Variants in EXOC3L2 observed in about 807,000 individuals in gnomAD.
EXOC3L2 encodes exocyst complex component 3 like 2.
In EXOC3L2, 17 loss-of-function variants were observed where a neutral mutation model predicts 44.4. The ratio of observed to expected loss-of-function variants is 0.38; its 90% CI spans 0.26 to 0.57. The LOEUF is 0.57. EXOC3L2 is among the 20% of genes least tolerant of loss of function. The pLI is 0.65. For missense variants in EXOC3L2, 541 were observed against 588.4 expected (o/e 0.92, Z 0.83); for synonymous variants, 256 against 253.7 (o/e 1.01, Z -0.09).
In EXOC3L2 at chr19:45,224,682, C is replaced by T; in HGVS notation, c.1719+96G>A. The T allele has an allele frequency of 2.8e-6, 4 of 1,441,882 alleles. No individual in the cohort carries two copies. In the South Asian group the frequency reaches 4.3e-5, roughly 15 times the overall value. 89.3% of individuals were successfully genotyped at this position (1,441,882 alleles called of 1,614,324 possible). A position where few individuals can be genotyped will look rare whatever the true frequency, so the allele number is the denominator to read the frequency against. ...CCCCCGCCCCTGTCTGCTTCCCAAACACTGAGCCATGGGCTAAAAGGAACT... is the reference window on the plus strand; with the variant it reads ...CCCCCGCCCCTGTCTGCTTCCCAAATACTGAGCCATGGGCTAAAAGGAACT... On this transcript the variant is annotated intron_variant, in intron 8 of 11. Coordinates refer to ENST00000413988, the MANE Select transcript of EXOC3L2 (RefSeq NM_001382422.1).
intron 4 of EXOC3L2, among the ~76,000 whole-genome samples, chr19:45,229,530 TA>T (rs1375274240): frequency 6.8e-6 from 1 of 147,700 alleles, no homozygotes; most frequent in African/African-American, 2.5e-5. Context: ...ATACATATTA[TA>T]AATAATATAT....
At chr19:45,226,096 A>G (rs904500984) in intron 7 of EXOC3L2, among the ~76,000 whole-genome samples, 1 of 152,136 alleles carries the variant, frequency 6.6e-6, no homozygotes, top group Non-Finnish European at 1.5e-5. Flanking sequence ...TCATTTATTT[A>G]ACTGGCCCTC....
At chr19:45,236,465 CAAAAAAAAAAA>C (rs34024056) in intron 2 of EXOC3L2, among the ~76,000 whole-genome samples, 1,109 of 45,050 alleles carry the variant, frequency 0.025, 33 homozygotes, top group African/African-American at 0.091. Flanking sequence ...GACTCCATCT[CAAAAAAAAAAA>C]AAAAAAAAAA....
chr19:45,217,318 C>T (rs1035245575), intron 10 of EXOC3L2, among the ~76,000 whole-genome samples: 1 of 152,188 alleles, frequency 6.6e-6, no homozygotes, highest in Non-Finnish European at 1.5e-5. Flanking sequence ...CCGAGGAAAG[C>T]GCCCAGAGGC....
intron 9 of EXOC3L2, 151 bp downstream of exon 9, chr19:45,218,046 G>T: frequency 8.8e-7 from 1 of 1,137,540 alleles, no homozygotes; most frequent in Non-Finnish European, 1.2e-6. Flanking sequence ...CCCATCCACA[G>T]GGAGCCGCTC....
Position 45,228,207 on chromosome 19 carries a change from G to T in EXOC3L2, c.1329C>A (p.Ser443Arg), listed in dbSNP as rs780310174. 20 of 1,614,018 alleles carry T rather than the reference G, an allele frequency of 1.2e-5. No homozygotes were observed. Among genetic ancestry groups the T allele is most frequent in the Non-Finnish European group, 1.6e-5 (19 of 1,180,034 alleles). ...VLQEDEEHWGSLEDQPSSLAQ... is the reference protein window; with the variant it reads ...VLQEDEEHWGRLEDQPSSLAQ... ...CCAGGCTGCTGGGCTGGTCCTCCAGGCTCCCCCAGTGCTCTTCGTCCTCCT... is the reference window on the plus strand; with the variant it reads ...CCAGGCTGCTGGGCTGGTCCTCCAGTCTCCCCCAGTGCTCTTCGTCCTCCT... The change falls in exon 5 of 12, where the codon AGC (serine) becomes AGA (arginine). Residue 443 changes from serine (S) to arginine (R), a missense_variant. Transcript: ENST00000413988.
At chr19:45,222,294 C>T (rs1419347135) in intron 8 of EXOC3L2, among the ~76,000 whole-genome samples, 1 of 150,782 alleles carries the variant, frequency 6.6e-6, no homozygotes, top group African/African-American at 2.4e-5. Context: ...CTGCCTCCCA[C>T]GTTCAAGCGA....
At chr19:45,230,812 G>T (rs553935142) in intron 4 of EXOC3L2, among the ~76,000 whole-genome samples, 2 of 152,098 alleles carry the variant, frequency 1.3e-5, no homozygotes, top group South Asian at 4.2e-4. Flanking sequence ...GTCTCGGCTG[G>T]GGTGACTCAT....
rs191732373 is a variant in EXOC3L2 at position 45,214,373 on chromosome 19, C to T, written c.2121-1016G>A. On this transcript the variant is annotated intron_variant, in intron 11 of 11. Coordinates refer to ENST00000413988, the MANE Select transcript of EXOC3L2 (RefSeq NM_001382422.1). ...AGCACTGCAAGGACTGGCGTTGCTC[C>T]GGCAGCCACCACCACTGCCACCACC... Among the ~76,000 whole-genome samples, 21 of 152,288 alleles carry T rather than the reference C, an allele frequency of 1.4e-4. No individual in the cohort carries two copies. The East Asian group carries it at 3.3e-3, about 24-fold the overall frequency.
chr19:45,215,642 G>A (rs1568478884), intron 11 of EXOC3L2, among the ~76,000 whole-genome samples: 1 of 152,158 alleles, frequency 6.6e-6, no homozygotes, highest in Non-Finnish European at 1.5e-5. Flanking sequence ...CCCATGGAAC[G>A]GATGAGGAAA....
intron 8 of EXOC3L2, among the ~76,000 whole-genome samples, chr19:45,220,500 CT>C (rs1244792043): frequency 6.6e-6 from 1 of 152,038 alleles, no homozygotes; most frequent in African/African-American, 2.4e-5. Context: ...AAACAAAACT[CT>C]TTTTCCCCCT....
intron 4 of EXOC3L2, 137 bp downstream of exon 4, chr19:45,231,626 T>C (rs1970032702): frequency 1.5e-6 from 1 of 675,504 alleles, no homozygotes. Flanking sequence ...CTATGGCACA[T>C]GGATAGAACT....
At chr19:45,243,843 T>C (rs1179598205) in intron 1 of EXOC3L2, among the ~76,000 whole-genome samples, 6 of 152,132 alleles carry the variant, frequency 3.9e-5, no homozygotes, top group Admixed American at 3.9e-4. Context: ...TTGGCCAGGC[T>C]GGTCTCGAAC....
At chr19:45,236,465 C>CAAAAAA (rs34024056) in intron 2 of EXOC3L2, among the ~76,000 whole-genome samples, 2 of 44,978 alleles carry the variant, frequency 4.4e-5, no homozygotes, top group Non-Finnish European at 7.7e-5. Context: ...GACTCCATCT[C>CAAAAAA]AAAAAAAAAA....
At chr19:45,239,370 A>C (rs980385170) in intron 1 of EXOC3L2, among the ~76,000 whole-genome samples, 2 of 150,344 alleles carry the variant, frequency 1.3e-5, no homozygotes, top group African/African-American at 4.9e-5. Context: ...GGCGCCCACC[A>C]CCACGCCCGG....
chr19:45,221,749 G>C (rs1194806910), intron 8 of EXOC3L2, among the ~76,000 whole-genome samples: 3 of 149,562 alleles, frequency 2.0e-5, no homozygotes, highest in Non-Finnish European at 4.4e-5. Context: ...CTGGGATCAA[G>C]CGATCCTCCC....
intron 4 of EXOC3L2, among the ~76,000 whole-genome samples, chr19:45,230,057 C>G (rs1358316023): frequency 6.6e-6 from 1 of 151,824 alleles, no homozygotes; most frequent in Non-Finnish European, 1.5e-5. Context: ...CCACGTCTTG[C>G]TCTGTCCCCC....
rs964875680 is a variant in EXOC3L2 at position 45,238,218 on chromosome 19, A to G, written c.523+305T>C. On this transcript the variant is annotated intron_variant, in intron 2 of 11. Transcript: ENST00000413988. The surrounding 1 kb of genome is among the most constrained non-coding windows in gnomAD (Gnocchi z 5.5). The stretch of plus-strand genomic sequence containing the variant: ...GGGAGAGATGGGACCAAAATCAGGT[A>G]TTCCCTTGGCTTTAGACATGGGAGT... Among the ~76,000 whole-genome samples, 21 of 152,280 alleles carry G rather than the reference A, an allele frequency of 1.4e-4. No homozygotes were observed. The highest frequency in any genetic ancestry group is 5.1e-4 in the African/African-American group (21 of 41,560).
At chr19:45,218,147 CT>C in intron 9 of EXOC3L2, 49 bp downstream of exon 9, 1 of 1,241,460 alleles carries the variant, frequency 8.1e-7, no homozygotes, top group Non-Finnish European at 1.1e-6. Flanking sequence ...CCCTTTCCTC[CT>C]CCCCTCTTTT....
Sources: allele counts gnomAD v4.1 joint callset (sites outside exome capture counted in the v4.1 genomes callset), GRCh38; gene constraint gnomAD v4.1.1; non-coding constraint Gnocchi (gnomAD v3.1); transcripts MANE v1.5; gene names NCBI Gene and HGNC (gene_info 2026-07-23, HGNC 2026-07-21).